XIRP2: variants seen among roughly 807,000 people sequenced by gnomAD.
The protein encoded by XIRP2 is xin actin binding repeat containing 2.
A neutral mutation model predicts 277.0 loss-of-function variants in XIRP2; 236 were observed. The observed-to-expected ratio is 0.85, with a 90% CI of 0.77 to 0.95. XIRP2 has a LOEUF of 0.95. Among genes scored for constraint, XIRP2 ranks in the 40% least tolerant of loss-of-function variants. The probability of loss-of-function intolerance (pLI) is 0.00; values close to 1 mark genes in which losing one functional copy is unlikely to be tolerated. For missense variants in XIRP2, 4,640 were observed against 4,157.5 expected, an observed-to-expected ratio of 1.12 and a Z score of -3.19; for synonymous variants, 1,490 against 1,416.5, an observed-to-expected ratio of 1.05 and a Z score of -1.17.
At chr2:167,210,321 C>T (rs1693987786) in intron 3 of XIRP2, among the ~76,000 whole-genome samples, 1 of 152,112 alleles carries the variant, frequency 6.6e-6, no homozygotes, top group South Asian at 2.1e-4. Flanking sequence ...TTTTAATAGG[C>T]GTGACTCTCA....
chr2:166,912,578 T>C lies in XIRP2; in HGVS notation c.408+8688T>C, dbSNP rs528088193. On this transcript the variant is annotated intron_variant, in intron 2 of 10. Coordinates refer to ENST00000409195, the MANE Select transcript of XIRP2 (RefSeq NM_152381.6). ...ACTTCCTCCTCTAGCTTGGAGAAGT[T>C]TGATCGTCTGAAGCCTTCTTCTCTC... is the stretch of plus-strand genomic sequence containing the variant. 3.3e-5 allele frequency among the ~76,000 whole-genome samples: 5 copies of C among 152,312 alleles called. No individual in the cohort carries two copies. In the South Asian group the frequency reaches 8.3e-4, roughly 25 times the overall value.
At position 167,245,299 on chromosome 2, in the gene XIRP2, G is replaced by T; in HGVS notation, c.3907G>T (p.Glu1303Ter). Residue 1303 changes from glutamate to a stop codon, truncating the protein, a stop_gained, in exon 9 of 11, where the codon GAA becomes TAA. Transcript: ENST00000409195. LOFTEE classifies it high-confidence loss of function. ...YISTKKTITE[E>*]VIQGDVKSYR... ...CAGCACCAAGAAAACAATTACTGAA[G>T]AAGTAATACAGGGTGATGTAAAAAG... 1 of 1,613,454 alleles carries T rather than the reference G, an allele frequency of 6.2e-7. No individual in the cohort carries two copies. The highest frequency in any genetic ancestry group is 8.5e-7 in the Non-Finnish European group (1 of 1,179,660).
At chr2:166,939,179 C>A (rs1401445691) in intron 2 of XIRP2, among the ~76,000 whole-genome samples, 2 of 152,156 alleles carry the variant, frequency 1.3e-5, no homozygotes, top group Non-Finnish European at 2.9e-5. Context: ...GCAGTTTCTT[C>A]CTAGCATCGA....
chr2:167,058,120 T>G (rs149987766), intron 2 of XIRP2, among the ~76,000 whole-genome samples: 3,309 of 151,808 alleles, frequency 0.022, 95 homozygotes, highest in African/African-American at 0.055. Context: ...TGGAGTGTAG[T>G]GGCATGATCG....
At position 167,250,801 on chromosome 2, in the gene XIRP2, A is replaced by G. The variant is rs780365556; in HGVS notation, c.9409A>G (p.Thr3137Ala). The G allele has an allele frequency of 1.2e-6, 2 of 1,613,456 alleles. No individual in the cohort carries two copies. Among genetic ancestry groups the G allele is most frequent in the Non-Finnish European group, 1.7e-6 (2 of 1,179,682 alleles). The change falls in exon 9 of 11, where the codon ACT becomes GCT. Residue 3137 changes from threonine (T) to alanine (A), a missense_variant. Physicochemically the swap from Thr to Ala is moderately conservative, Grantham distance 58. Transcript: ENST00000409195. The part of the protein sequence containing the change: ...ESTARRTENP[T>A]KNELSQSPKK... ...TACTGCCCGACGAACAGAAAACCCT[A>G]CTAAGAACGAGCTTTCTCAGTCCCC...
intron 5 of XIRP2, among the ~76,000 whole-genome samples, chr2:167,234,045 T>G (rs535263733): frequency 3.3e-5 from 5 of 151,736 alleles, no homozygotes; most frequent in African/African-American, 1.2e-4. Context: ...TTCAGAATTT[T>G]GGGCCTCTGG....
At chr2:167,077,907 A>G (rs2105258227) in intron 2 of XIRP2, among the ~76,000 whole-genome samples, 1 of 152,328 alleles carries the variant, frequency 6.6e-6, no homozygotes, top group East Asian at 1.9e-4. Context: ...GTTGGGTAAT[A>G]TGATGCCTCT....
intron 2 of XIRP2, among the ~76,000 whole-genome samples, chr2:166,915,107 C>T (rs1330178106): frequency 6.6e-6 from 1 of 151,346 alleles, no homozygotes; most frequent in East Asian, 1.9e-4. Flanking sequence ...ACCATCCTGG[C>T]TAACACGATG....
Position 167,234,374 on chromosome 2 carries a change from G to A in XIRP2, c.859-5481G>A, listed in dbSNP as rs147224875. ...TTCAAGGGAATTTCAAGCTAACTGA[G>A]CCTTTTTATATCATTAATTATATAT... On this transcript the variant is annotated intron_variant, in intron 5 of 10. Coordinates refer to ENST00000409195, the MANE Select transcript of XIRP2 (RefSeq NM_152381.6). Among the ~76,000 whole-genome samples, 785 of 150,108 alleles carry A rather than the reference G, an allele frequency of 5.2e-3. 8 individuals carry two copies. The highest frequency in any genetic ancestry group is 0.018 in the African/African-American group (728 of 41,092).
rs1695450309 is a variant in XIRP2 at position 167,250,503 on chromosome 2, C to A, written c.9111C>A (p.Ser3037=). ...ENIIQTAMMS[S]KTGKPGNKPT... Reference sequence around the variant, plus strand: ...TAATTCAGACAGCCATGATGTCCTCCAAAACAGGAAAACCGGGAAATAAAC... The same window carrying A: ...TAATTCAGACAGCCATGATGTCCTCAAAAACAGGAAAACCGGGAAATAAAC... Residue 3037 remains serine (S), a synonymous_variant, in exon 9 of 11, where the codon TCC becomes TCA. Transcript: ENST00000409195. 1 of 1,613,506 alleles carries A rather than the reference C, an allele frequency of 6.2e-7. No homozygotes were observed. Among genetic ancestry groups the A allele is most frequent in the Non-Finnish European group, 8.5e-7 (1 of 1,179,694 alleles).
chr2:167,230,349 C>A (rs115755105), intron 5 of XIRP2, among the ~76,000 whole-genome samples: 2,053 of 152,054 alleles, frequency 0.014, 53 homozygotes, highest in African/African-American at 0.047. Flanking sequence ...CAAATAACCC[C>A]CACCGTCATA....
At chr2:167,009,511 G>A (rs1411178934) in intron 2 of XIRP2, among the ~76,000 whole-genome samples, 1 of 151,968 alleles carries the variant, frequency 6.6e-6, no homozygotes, top group Non-Finnish European at 1.5e-5. Flanking sequence ...TGTGAATAGT[G>A]CCGCAACAAA....
At chr2:167,254,221 A>G in intron 10 of XIRP2, 56 bp downstream of exon 10, 1 of 1,557,612 alleles carries the variant, frequency 6.4e-7, no homozygotes, top group Non-Finnish European at 8.7e-7. Context: ...CTCTATGTAT[A>G]GCCTCATATC....
chr2:167,197,364 T>G (rs1693548894), intron 3 of XIRP2, among the ~76,000 whole-genome samples: 1 of 152,210 alleles, frequency 6.6e-6, no homozygotes, highest in Non-Finnish European at 1.5e-5. Flanking sequence ...GCATTAACTT[T>G]TGCAATATTA....
intron 2 of XIRP2, among the ~76,000 whole-genome samples, chr2:167,087,999 C>T (rs566968296): frequency 6.6e-5 from 10 of 152,224 alleles, no homozygotes; most frequent in African/African-American, 2.2e-4. Flanking sequence ...AATTTAATTA[C>T]ATAAAAGATG....
chr2:167,089,593 G>A (rs1264148057), intron 2 of XIRP2, among the ~76,000 whole-genome samples: 1 of 151,890 alleles, frequency 6.6e-6, no homozygotes, highest in Non-Finnish European at 1.5e-5. Context: ...TAATGCATAT[G>A]TGTGTGTGTG....
intron 2 of XIRP2, among the ~76,000 whole-genome samples, chr2:167,084,413 G>T (rs1689857605): frequency 6.6e-6 from 1 of 151,368 alleles, no homozygotes; most frequent in Non-Finnish European, 1.5e-5. Flanking sequence ...TTTTTTGGTT[G>T]TGTCTCTGCC....
chr2:167,218,099 A>G, intron 4 of XIRP2, 67 bp from the exon 5 acceptor site: 1 of 1,323,334 alleles, frequency 7.6e-7, no homozygotes. Context: ...CTATTTTTAA[A>G]ATAGCTTCAG....
chr2:167,122,247 G>A lies in XIRP2; in HGVS notation c.409-13662G>A, dbSNP rs751360956. On this transcript the variant is annotated intron_variant, in intron 2 of 10. Coordinates refer to ENST00000409195, the MANE Select transcript of XIRP2 (RefSeq NM_152381.6). ...TCTTTCTTTAAAATGTTGGACATACGAGTTTTAACATTGGACCCAACCAAA... is the reference window on the plus strand; with the variant it reads ...TCTTTCTTTAAAATGTTGGACATACAAGTTTTAACATTGGACCCAACCAAA... Among the ~76,000 whole-genome samples the A allele has an allele frequency of 5.5e-4, 84 of 152,214 alleles. 1 individual carries two copies. Among genetic ancestry groups the A allele is most frequent in the Non-Finnish European group, 5.7e-4 (39 of 68,022 alleles).
Sources: allele counts gnomAD v4.1 joint callset (sites outside exome capture counted in the v4.1 genomes callset), GRCh38; gene constraint gnomAD v4.1.1; transcripts MANE v1.5; gene names NCBI Gene and HGNC (gene_info 2026-07-23, HGNC 2026-07-21).